The following KANTR variants were observed in gnomAD, a reference collection of about 807,000 sequenced individuals.
The protein encoded by KANTR is KANTR integral membrane protein.
chrX:53,109,451 A>G (rs1256118138), intron 2 of KANTR, among the ~76,000 whole-genome samples: 1 of 110,749 alleles, frequency 9.0e-6, no homozygotes. Context: ...CACCCTGCTA[A>G]TTTTGTATTT....
At chrX:53,107,162 T>C (rs782308831) in intron 2 of KANTR, among the ~76,000 whole-genome samples, 58 of 109,284 alleles carry the variant, frequency 5.3e-4, no homozygotes, top group Admixed American at 3.2e-3. Flanking sequence ...TCATAGGAAT[T>C]TTAGGATCAG....
At chrX:53,106,621 C>T (rs782537203) in intron 2 of KANTR, among the ~76,000 whole-genome samples, 4 of 109,115 alleles carry the variant, frequency 3.7e-5, no homozygotes, top group African/African-American at 1.0e-4. Context: ...ATGCTGGTCT[C>T]GAACTCCTGG....
At chrX:53,099,271 A>G (rs1932870348) in intron 1 of KANTR, among the ~76,000 whole-genome samples, 1 of 111,071 alleles carries the variant, frequency 9.0e-6, no homozygotes, top group South Asian at 3.8e-4. Context: ...TATTCAGGAG[A>G]CTGAGGCAGG....
chrX:53,105,493 C>CT (rs148737823), intron 2 of KANTR, among the ~76,000 whole-genome samples: 8 of 95,769 alleles, frequency 8.4e-5, no homozygotes, highest in African/African-American at 2.6e-4. Flanking sequence ...TGCAGGACTT[C>CT]TTTTTTTTTT....
chrX:53,135,636 A>G (rs1170851095), intron 2 of KANTR, among the ~76,000 whole-genome samples: 10 of 112,235 alleles, frequency 8.9e-5, no homozygotes, highest in South Asian at 3.7e-4. Flanking sequence ...TCAGGTAGAC[A>G]TGTTCCTTGC....
chrX:53,119,730 T>C (rs185516082), intron 2 of KANTR, among the ~76,000 whole-genome samples: 225 of 111,802 alleles, frequency 2.0e-3, no homozygotes, highest in Middle Eastern at 0.018. Flanking sequence ...TATTTATTTA[T>C]TTATTTTGAG....
At chrX:53,142,601 A>T (rs1452431795) in exon 3 of KANTR, 2 of 312,662 alleles carry the variant, frequency 6.4e-6, no homozygotes, top group Non-Finnish European at 6.1e-6. Context: ...GGCGTGAGCC[A>T]CCACTTCTGG....
At chrX:53,137,630 A>G (rs1243294586) in intron 2 of KANTR, among the ~76,000 whole-genome samples, 3 of 110,111 alleles carry the variant, frequency 2.7e-5, no homozygotes, top group Non-Finnish European at 5.7e-5. Context: ...TTAGCCAGAC[A>G]TGGTGGCACA....
At chrX:53,106,441 C>T (rs1449326275) in intron 2 of KANTR, among the ~76,000 whole-genome samples, 2 of 110,166 alleles carry the variant, frequency 1.8e-5, no homozygotes, top group African/African-American at 6.8e-5. Context: ...CTCGTTCTGT[C>T]ACCCAGGCTG....
intron 2 of KANTR, among the ~76,000 whole-genome samples, chrX:53,101,581 A>G (rs782294621): frequency 8.9e-6 from 1 of 112,501 alleles, no homozygotes; most frequent in South Asian, 3.6e-4. Flanking sequence ...GGAGAGGGAG[A>G]GAGACAGAGG....
intron 2 of KANTR, among the ~76,000 whole-genome samples, chrX:53,109,349 A>C (rs1259292576): frequency 1.8e-5 from 2 of 112,181 alleles, no homozygotes; most frequent in Non-Finnish European, 1.9e-5. Flanking sequence ...CAGTGGCGCG[A>C]TCTCATCTCA....
At chrX:53,126,720 A>C (rs1933295624) in exon 3 of KANTR, 1 of 112,084 alleles carries the variant, frequency 8.9e-6, no homozygotes, top group African/African-American at 3.2e-5. Flanking sequence ...TACATAGTAT[A>C]TTCTGATTAC....
intron 2 of KANTR, among the ~76,000 whole-genome samples, chrX:53,112,753 T>C (rs113396371): frequency 4.7e-4 from 52 of 111,532 alleles, no homozygotes; most frequent in African/African-American, 1.6e-3. Flanking sequence ...GACCTATGCC[T>C]GGATATTTTG....
At chrX:53,145,466 G>A (rs891056017), downstream of KANTR, among the ~76,000 whole-genome samples, 4 of 112,126 alleles carry the variant, frequency 3.6e-5, no homozygotes, top group Non-Finnish European at 5.6e-5. Flanking sequence ...AGGGGCACCC[G>A]CCATTGCTGA....
chrX:53,104,435 C>T lies in KANTR; in HGVS notation c.-805+4827C>T, dbSNP rs1334565756. ...AGAGACGGGGTTTTGCCATGTTGGC[C>T]AGGGTGGTCTCAAACTCCTGACCTC... On this transcript the variant is annotated intron_variant, in intron 2 of 2. Transcript: ENST00000604062. Among the ~76,000 whole-genome samples the T allele has an allele frequency of 3.6e-5, 4 of 109,632 alleles. No individual in the cohort carries two copies. The East Asian group carries it at 1.1e-3, about 31-fold the overall frequency.
downstream of KANTR, among the ~76,000 whole-genome samples, chrX:53,129,178 C>T (rs1052708426): frequency 9.5e-6 from 1 of 105,081 alleles, no homozygotes; most frequent in Non-Finnish European, 2.0e-5. Context: ...CACCATTCTC[C>T]TGCCTCCGCC....
At chrX:53,103,687 A>G (rs1556812253) in intron 2 of KANTR, among the ~76,000 whole-genome samples, 2 of 111,129 alleles carry the variant, frequency 1.8e-5, no homozygotes, top group Admixed American at 9.6e-5. Flanking sequence ...AATCCTCAAC[A>G]TTTCCTCCCC....
At chrX:53,138,385 G>A (rs1360699190) in intron 2 of KANTR, among the ~76,000 whole-genome samples, 1 of 108,644 alleles carries the variant, frequency 9.2e-6, no homozygotes, top group Non-Finnish European at 1.9e-5. Flanking sequence ...AATATAGGCT[G>A]GGCGCTGTGG....
intron 2 of KANTR, among the ~76,000 whole-genome samples, chrX:53,108,040 C>G (rs1442600919): frequency 1.8e-5 from 2 of 109,596 alleles, no homozygotes; most frequent in East Asian, 5.8e-4. Flanking sequence ...TAGGCACCAG[C>G]CACTACACCC....
Sources: gnomAD v4.1 joint callset for allele counts (sites outside exome capture counted in the v4.1 genomes callset) on GRCh38, gnomAD v4.1.1 for gene constraint, MANE v1.5 for transcripts, NCBI Gene and HGNC (gene_info 2026-07-23, HGNC 2026-07-21) for gene names.